Variants in RBFOX1 observed in about 807,000 individuals in gnomAD.
RBFOX1 encodes the protein RNA binding protein fox-1 homolog 1.
RBFOX1 carries 8 observed loss-of-function variants against 57.7 expected under a neutral mutation model. The ratio of observed to expected loss-of-function variants is 0.14; its 90% CI spans 0.08 to 0.25. The LOEUF is 0.25. Ranked by LOEUF, RBFOX1 falls within the 10% of genes least tolerant of loss-of-function variation. RBFOX1 has a pLI of 1.00. For missense variants in RBFOX1, 611 were observed against 548.5 expected, an observed-to-expected ratio of 1.11 and a Z score of -1.14; for synonymous variants, 326 against 222.4, an observed-to-expected ratio of 1.47 and a Z score of -4.15.
chr16:6,807,343 T>G (rs1248724728), intron 3 of RBFOX1, among the ~76,000 whole-genome samples: 5 of 151,982 alleles, frequency 3.3e-5, no homozygotes, highest in Non-Finnish European at 7.4e-5. Context: ...AAATTGATAA[T>G]GGGAATTTTG....
chr16:6,772,691 A>G (rs934117678), intron 3 of RBFOX1, among the ~76,000 whole-genome samples: 16 of 118,782 alleles, frequency 1.3e-4, no homozygotes, highest in Middle Eastern at 7.6e-3. Flanking sequence ...GTGTGTGTAT[A>G]TGTGGGTGTG....
chr16:6,257,494 G>C (rs570634522), intron 1 of RBFOX1, among the ~76,000 whole-genome samples: 1 of 151,914 alleles, frequency 6.6e-6, no homozygotes, highest in African/African-American at 2.4e-5. Context: ...TGTCCTGGGG[G>C]TTTGTCGTAC....
At chr16:6,122,067 A>T (rs922848714) in intron 1 of RBFOX1, among the ~76,000 whole-genome samples, 1 of 152,012 alleles carries the variant, frequency 6.6e-6, no homozygotes, top group Non-Finnish European at 1.5e-5. Flanking sequence ...CACCATGTCC[A>T]GCTAATTTTA....
chr16:5,274,995 G>C (rs775599986), intron 1 of RBFOX1, among the ~76,000 whole-genome samples: 1 of 152,198 alleles, frequency 6.6e-6, no homozygotes, highest in East Asian at 1.9e-4. Flanking sequence ...CGAAGCTTGG[G>C]TAAATTAGTA....
At chr16:5,863,226 A>G (rs191850947) in intron 3 of RBFOX1, among the ~76,000 whole-genome samples, 1 of 152,302 alleles carries the variant, frequency 6.6e-6, no homozygotes, top group East Asian at 1.9e-4. Flanking sequence ...ATGCAGAGAA[A>G]CCGAAGGAGA....
intron 3 of RBFOX1, chr16:6,873,793 C>A (rs1216186561): frequency 2.6e-5 from 4 of 152,110 alleles, no homozygotes; most frequent in Non-Finnish European, 5.9e-5. Context: ...ACTCTGTGAT[C>A]TTTATTATTG....
At chr16:7,293,955 T>C (rs1365510361) in intron 4 of RBFOX1, among the ~76,000 whole-genome samples, 1 of 152,124 alleles carries the variant, frequency 6.6e-6, no homozygotes, top group Non-Finnish European at 1.5e-5. Context: ...AGAGGTGAAG[T>C]CACTTCTAGT....
At chr16:6,758,576 C>G (rs1045022663) in intron 3 of RBFOX1, among the ~76,000 whole-genome samples, 2 of 152,082 alleles carry the variant, frequency 1.3e-5, no homozygotes, top group African/African-American at 4.8e-5. Flanking sequence ...TAAAACATCC[C>G]AAACTGTACC....
chr16:6,519,475 A>AGGTGGGC, intron 2 of RBFOX1, among the ~76,000 whole-genome samples: 1 of 152,106 alleles, frequency 6.6e-6, no homozygotes, highest in African/African-American at 2.4e-5. Flanking sequence ...CCAACTCAGG[A>AGGTGGGC]AGATCACCTG....
intron 2 of RBFOX1, among the ~76,000 whole-genome samples, chr16:6,636,125 C>T (rs540640865): frequency 3.9e-5 from 6 of 152,122 alleles, no homozygotes; most frequent in Non-Finnish European, 8.8e-5. Flanking sequence ...GGCATCACCT[C>T]GCATCTCAGC....
intron 3 of RBFOX1, among the ~76,000 whole-genome samples, chr16:5,801,189 C>G (rs1404102485): frequency 6.6e-6 from 1 of 152,128 alleles, no homozygotes; most frequent in Non-Finnish European, 1.5e-5. Flanking sequence ...AACTCCTGAC[C>G]TTCTATGTAG....
At chr16:7,682,273 T>G (rs1202916803) in intron 14 of RBFOX1, among the ~76,000 whole-genome samples, 1 of 152,104 alleles carries the variant, frequency 6.6e-6, no homozygotes, top group Non-Finnish European at 1.5e-5. Context: ...AGAAATCTGT[T>G]GGAAAAATAT....
intron 1 of RBFOX1, among the ~76,000 whole-genome samples, chr16:5,429,031 C>A (rs532286873): frequency 6.6e-6 from 1 of 152,144 alleles, no homozygotes; most frequent in African/African-American, 2.4e-5. Context: ...AGGTTCCACC[C>A]GCTACGAAGT....
intron 10 of RBFOX1, among the ~76,000 whole-genome samples, chr16:7,626,813 A>G (rs554369634): frequency 3.9e-4 from 60 of 152,256 alleles, no homozygotes; most frequent in African/African-American, 1.3e-3. Flanking sequence ...AGAAGTGGAG[A>G]CTTGTTTTTA....
chr16:6,681,808 C>G (rs960442646), intron 3 of RBFOX1, among the ~76,000 whole-genome samples: 10 of 152,160 alleles, frequency 6.6e-5, no homozygotes, highest in Non-Finnish European at 1.3e-4. Flanking sequence ...ATAATAGCTA[C>G]CCTTTCTTTT....
chr16:6,733,223 C>T (rs1188095902), intron 3 of RBFOX1, among the ~76,000 whole-genome samples: 2 of 152,136 alleles, frequency 1.3e-5, no homozygotes, highest in African/African-American at 4.8e-5. Flanking sequence ...TTAGCAGGTG[C>T]CAGAGCCCTG....
chr16:6,509,388 T>C (rs546788006), intron 2 of RBFOX1, among the ~76,000 whole-genome samples: 166 of 152,308 alleles, frequency 1.1e-3, no homozygotes, highest in African/African-American at 3.5e-3. Flanking sequence ...TGCAACAACA[T>C]AGATGGAACT....
chr16:6,586,700 A>T (rs986117219), intron 2 of RBFOX1, among the ~76,000 whole-genome samples: 2 of 152,136 alleles, frequency 1.3e-5, no homozygotes, highest in African/African-American at 4.8e-5. Flanking sequence ...CGCTTACATC[A>T]TCCCAGCTCA....
intron 1 of RBFOX1, among the ~76,000 whole-genome samples, chr16:5,465,350 C>G (rs1443126896): frequency 2.0e-5 from 3 of 151,754 alleles, no homozygotes; most frequent in East Asian, 3.9e-4. Context: ...AGGGCCCAGT[C>G]TAACAGCCTC....
Sources: gnomAD v4.1 joint callset for allele counts (sites outside exome capture counted in the v4.1 genomes callset) on GRCh38, gnomAD v4.1.1 for gene constraint, MANE v1.5 for transcripts, NCBI Gene and HGNC (gene_info 2026-07-23, HGNC 2026-07-21) for gene names.